The following CAMK4 variants were observed in gnomAD, a reference collection of about 807,000 sequenced individuals.
CAMK4 encodes the protein calcium/calmodulin-dependent protein kinase type IV.
Under a neutral mutation model 44.9 loss-of-function variants are expected in CAMK4, and 22 were observed. The ratio of observed to expected loss-of-function variants is 0.49; its 90% CI spans 0.35 to 0.70. The LOEUF is 0.70. Among genes scored for constraint, CAMK4 ranks in the 30% least tolerant of loss-of-function variants. CAMK4 has a pLI of 0.01. For missense variants in CAMK4, 498 were observed against 586.8 expected (o/e 0.85, Z 1.56); for synonymous variants, 218 against 215.4 (o/e 1.01, Z -0.11).
At chr5:111,334,748 A>T (rs183352674) in intron 1 of CAMK4, among the ~76,000 whole-genome samples, 3 of 151,692 alleles carry the variant, frequency 2.0e-5, no homozygotes, top group East Asian at 2.0e-4. Flanking sequence ...ATGAGCATTA[A>T]GAGGATCTTT....
chr5:111,284,234 A>G (rs1261126871), intron 1 of CAMK4, among the ~76,000 whole-genome samples: 4 of 152,196 alleles, frequency 2.6e-5, no homozygotes, highest in Non-Finnish European at 5.9e-5. Context: ...AATACTTTAT[A>G]TTTGGCTTTG....
Position 111,485,893 on chromosome 5 carries a change from T to C in CAMK4, c.*1427T>C, listed in dbSNP as rs2112508789. ...AATTTATTTCTAGTTTGAGTTGAAA[T>C]GAATATTTTATCAGATTAATTATGT... is the stretch of plus-strand genomic sequence containing the variant. On this transcript the variant is annotated 3_prime_UTR_variant, in exon 11 of 11. Coordinates refer to ENST00000282356, the MANE Select transcript of CAMK4 (RefSeq NM_001744.6). The C allele has an allele frequency of 6.6e-6, 1 of 152,304 alleles. No individual in the cohort carries two copies. The allele number at this position is 152,304 out of a possible 1,614,324, so 9.4% of individuals were successfully genotyped here. A position where few individuals can be genotyped will look rare whatever the true frequency, so the allele number is the denominator to read the frequency against.
In CAMK4 at chr5:111,479,572, A is replaced by T. The variant is rs184003236; in HGVS notation, c.828+1065A>T. On this transcript the variant is annotated intron_variant, in intron 9 of 10. Transcript: ENST00000282356. Reference sequence around the variant, plus strand: ...GTCCTCCTCTCATTTTAAAGATGAGAATGCTAAAGACCAGAGAGGTGAAAT... The same window carrying T: ...GTCCTCCTCTCATTTTAAAGATGAGTATGCTAAAGACCAGAGAGGTGAAAT... 1.1e-4 allele frequency among the ~76,000 whole-genome samples: 17 copies of T among 152,310 alleles called. No individual in the cohort carries two copies. The East Asian group carries it at 3.1e-3, about 28-fold the overall frequency.
At chr5:111,242,021 C>T (rs12055136) in intron 1 of CAMK4, among the ~76,000 whole-genome samples, 105,078 of 152,026 alleles carry the variant, frequency 0.69, 36,726 homozygotes, top group African/African-American at 0.8. Flanking sequence ...GTTGGAACTT[C>T]CCACTGGAAG....
chr5:111,436,035 G>T (rs1349038069), intron 5 of CAMK4, among the ~76,000 whole-genome samples: 1 of 151,904 alleles, frequency 6.6e-6, no homozygotes, highest in Non-Finnish European at 1.5e-5. Context: ...TAGACACCTA[G>T]CTTTTTCTGT....
At chr5:111,224,319 C>T (rs541623904), upstream of CAMK4, 4 of 1,059,550 alleles carry the variant, frequency 3.8e-6, no homozygotes, top group African/African-American at 5.1e-5. This position sits in a 1 kb window ranked among gnomAD's most constrained non-coding sequence, Gnocchi z 5.7. Flanking sequence ...CCCCCTTCCC[C>T]GCCCACCGTC....
chr5:111,362,981 G>A (rs746065415), intron 2 of CAMK4, among the ~76,000 whole-genome samples: 2 of 152,090 alleles, frequency 1.3e-5, no homozygotes, highest in African/African-American at 2.4e-5. Context: ...TGATACAAAT[G>A]ATGGAACACT....
At chr5:111,348,131 T>G (rs762975301) in intron 2 of CAMK4, among the ~76,000 whole-genome samples, 1 of 152,038 alleles carries the variant, frequency 6.6e-6, no homozygotes, top group Non-Finnish European at 1.5e-5. Context: ...CCATGGGAGT[T>G]TACCCAAATT....
intron 7 of CAMK4, among the ~76,000 whole-genome samples, chr5:111,468,700 C>T (rs1196513653): frequency 6.6e-6 from 1 of 152,150 alleles, no homozygotes; most frequent in African/African-American, 2.4e-5. Context: ...AAATATTAAG[C>T]TGGGTACTGT....
chr5:111,334,561 A>G (rs1364799785), intron 1 of CAMK4, among the ~76,000 whole-genome samples: 6 of 151,594 alleles, frequency 4.0e-5, no homozygotes, highest in Non-Finnish European at 8.9e-5. Context: ...GGTTATAACC[A>G]GTCTTCTTTA....
intron 1 of CAMK4, among the ~76,000 whole-genome samples, chr5:111,339,129 C>T (rs189657667): frequency 9.5e-4 from 143 of 151,236 alleles, no homozygotes; most frequent in African/African-American, 3.3e-3. Context: ...GCATATTAAC[C>T]CCTTATCAGA....
chr5:111,425,969 A>G (rs1753211789), intron 5 of CAMK4, among the ~76,000 whole-genome samples: 1 of 152,228 alleles, frequency 6.6e-6, no homozygotes, highest in Non-Finnish European at 1.5e-5. Flanking sequence ...GTGATACTGT[A>G]TGGAGTTCAA....
At chr5:111,423,381 C>G (rs1356758567) in intron 5 of CAMK4, among the ~76,000 whole-genome samples, 1 of 152,172 alleles carries the variant, frequency 6.6e-6, no homozygotes, top group Non-Finnish European at 1.5e-5. Context: ...TAATTTTTCA[C>G]AAATACACTT....
chr5:111,389,713 T>G (rs1751733078), intron 4 of CAMK4, among the ~76,000 whole-genome samples: 1 of 152,224 alleles, frequency 6.6e-6, no homozygotes, highest in Admixed American at 6.5e-5. Flanking sequence ...TAATTGATTT[T>G]ATTCCCTTCT....
intron 8 of CAMK4, among the ~76,000 whole-genome samples, chr5:111,474,351 A>G (rs1755164280): frequency 6.6e-6 from 1 of 152,226 alleles, no homozygotes; most frequent in Admixed American, 6.5e-5. Flanking sequence ...GTGTCAGCAC[A>G]GTCAGCTTCT....
intron 2 of CAMK4, among the ~76,000 whole-genome samples, chr5:111,346,370 T>A (rs1450269438): frequency 6.6e-6 from 1 of 151,988 alleles, no homozygotes; most frequent in Non-Finnish European, 1.5e-5. Flanking sequence ...CCTTCAAAAA[T>A]GGCAATTTTA....
At chr5:111,375,216 T>C (rs1317585745) in intron 3 of CAMK4, among the ~76,000 whole-genome samples, 2 of 152,200 alleles carry the variant, frequency 1.3e-5, no homozygotes, top group East Asian at 1.9e-4. Context: ...GCTTTTTCCT[T>C]CTTTTGTGTG....
chr5:111,427,371 A>C (rs1239095388), intron 5 of CAMK4, among the ~76,000 whole-genome samples: 2 of 152,196 alleles, frequency 1.3e-5, no homozygotes, highest in African/African-American at 2.4e-5. Flanking sequence ...TACTACGTCA[A>C]GGACCTTAGC....
chr5:111,467,373 C>CAAA (rs34201915), intron 7 of CAMK4, among the ~76,000 whole-genome samples: 109 of 49,422 alleles, frequency 2.2e-3, no homozygotes, highest in African/African-American at 3.7e-3. Flanking sequence ...TTCTGCATAG[C>CAAA]AAAAAAAAAA....
Sources: allele counts gnomAD v4.1 joint callset (sites outside exome capture counted in the v4.1 genomes callset), GRCh38; gene constraint gnomAD v4.1.1; non-coding constraint Gnocchi (gnomAD v3.1); transcripts MANE v1.5; gene names NCBI Gene and HGNC (gene_info 2026-07-23, HGNC 2026-07-21).